KHDRBS2: variants seen among roughly 807,000 people sequenced by gnomAD.
KHDRBS2 encodes KH RNA binding domain containing, signal transduction associated 2, also known as KH domain-containing, RNA-binding, signal transduction-associated protein 2.
KHDRBS2 carries 26 observed loss-of-function variants against 44.3 expected under a neutral mutation model. The observed-to-expected ratio is 0.59, with a 90% confidence interval of 0.43 to 0.81. The LOEUF is 0.81. Among genes scored for constraint, KHDRBS2 ranks in the 40% least tolerant of loss-of-function variants. KHDRBS2 has a pLI of 0.00. For missense variants in KHDRBS2, 476 were observed against 433.1 expected, an observed-to-expected ratio of 1.10 and a Z score of -0.88; for synonymous variants, 194 against 151.1, an observed-to-expected ratio of 1.28 and a Z score of -2.08.
chr6:62,101,573 G>A (rs1801912480), intron 2 of KHDRBS2, among the ~76,000 whole-genome samples: 1 of 152,128 alleles, frequency 6.6e-6, no homozygotes, highest in Non-Finnish European at 1.5e-5. Context: ...TGTCAGCCAG[G>A]GAAGAATAGT....
chr6:62,088,614 C>A (rs1362786757), intron 2 of KHDRBS2, among the ~76,000 whole-genome samples: 1 of 152,112 alleles, frequency 6.6e-6, no homozygotes, highest in Non-Finnish European at 1.5e-5. Context: ...CCAGCCAGAG[C>A]TCTCCTGTAT....
chr6:62,200,990 A>G (rs1362071283), intron 1 of KHDRBS2, among the ~76,000 whole-genome samples: 2 of 152,194 alleles, frequency 1.3e-5, no homozygotes, highest in Non-Finnish European at 2.9e-5. Context: ...CAAGGACAAA[A>G]AACCAAACAC....
intron 6 of KHDRBS2, among the ~76,000 whole-genome samples, chr6:61,888,735 G>T (rs750391787): frequency 1.3e-5 from 2 of 151,690 alleles, no homozygotes; most frequent in Admixed American, 6.6e-5. Context: ...CTAACTTTTC[G>T]CATTTTTAGT....
chr6:61,920,356 A>G lies in KHDRBS2; in HGVS notation c.484-18985T>C, dbSNP rs568474237. 3.9e-5 allele frequency among the ~76,000 whole-genome samples: 6 copies of G among 152,056 alleles called. 1 individual carries two copies. Among genetic ancestry groups the G allele is most frequent in the African/African-American group, 1.2e-4 (5 of 41,536 alleles). On this transcript the variant is annotated intron_variant, in intron 4 of 8. Coordinates refer to ENST00000281156, the MANE Select transcript of KHDRBS2 (RefSeq NM_152688.4). ...AATATGGATGTTAGAAGGATTAAAC[A>G]TGTAAATTGCTCAAAATGGTATCTA...
intron 2 of KHDRBS2, among the ~76,000 whole-genome samples, chr6:62,131,665 C>T (rs895652365): frequency 5.3e-5 from 8 of 152,156 alleles, no homozygotes; most frequent in Non-Finnish European, 1.0e-4. Flanking sequence ...CCTCTGGTTT[C>T]CTATTGGGGT....
At chr6:61,594,981 A>G in the KHDRBS2 span, among the ~76,000 whole-genome samples, 1 of 152,232 alleles carries the variant, frequency 6.6e-6, no homozygotes, top group South Asian at 2.1e-4. Flanking sequence ...GAAGAGACTC[A>G]GTTCCCAAAT....
chr6:61,683,982 G>T lies in KHDRBS2; in HGVS notation c.953-2922C>A, dbSNP rs1766568619. 1.3e-5 allele frequency among the ~76,000 whole-genome samples: 2 copies of T among 152,028 alleles called. 1 individual carries two copies. Among genetic ancestry groups the T allele is most frequent in the South Asian group, 4.1e-4 (2 of 4,824 alleles). On this transcript the variant is annotated intron_variant, in intron 8 of 8. Coordinates refer to ENST00000281156, the MANE Select transcript of KHDRBS2 (RefSeq NM_152688.4). ...TTAAGGACTTATTTCACTTAATTCA[G>T]ACCTTGCTTCCATTGTTTACATGTT...
At chr6:61,945,402 G>A (rs1479105657) in intron 4 of KHDRBS2, among the ~76,000 whole-genome samples, 1 of 151,198 alleles carries the variant, frequency 6.6e-6, no homozygotes, top group African/African-American at 2.4e-5. Flanking sequence ...ATAGCCAGAG[G>A]CAGAATTTAT....
intron 3 of KHDRBS2, among the ~76,000 whole-genome samples, chr6:61,998,070 C>T (rs1187814546): frequency 6.6e-6 from 1 of 152,046 alleles, no homozygotes; most frequent in Non-Finnish European, 1.5e-5. Flanking sequence ...ATTAACATTA[C>T]ATAATTTACT....
At chr6:62,080,085 G>A (rs1342587104) in intron 2 of KHDRBS2, among the ~76,000 whole-genome samples, 3 of 151,870 alleles carry the variant, frequency 2.0e-5, no homozygotes, top group African/African-American at 7.2e-5. Context: ...TACATAAAAC[G>A]TGAAATAAGT....
chr6:61,890,784 G>GT (rs112875382), intron 6 of KHDRBS2, among the ~76,000 whole-genome samples: 10,265 of 152,048 alleles, frequency 0.068, 412 homozygotes, highest in Middle Eastern at 0.13. Flanking sequence ...TAGTCCCTGA[G>GT]TTTTTTTTGA....
At chr6:62,274,044 T>C (rs2150190809) in intron 1 of KHDRBS2, among the ~76,000 whole-genome samples, 2 of 152,254 alleles carry the variant, frequency 1.3e-5, no homozygotes, top group South Asian at 4.1e-4. Context: ...CAATCAATTC[T>C]CCTGCCTCAG....
intron 6 of KHDRBS2, among the ~76,000 whole-genome samples, chr6:61,829,515 T>C (rs772695533): frequency 5.3e-5 from 8 of 151,776 alleles, no homozygotes; most frequent in Non-Finnish European, 1.0e-4. Flanking sequence ...AAAAATAAAC[T>C]GAATTGAGCA....
rs538659730 is a variant in KHDRBS2 at position 61,731,333 on chromosome 6, A to G, written c.893+1349T>C. On this transcript the variant is annotated intron_variant, in intron 7 of 8. Coordinates refer to ENST00000281156, the MANE Select transcript of KHDRBS2 (RefSeq NM_152688.4). ...ATATTACAGCAAAAGCGCTTGGCTC[A>G]TGATGGCTTCTCTATTTAGCTTACT... is the stretch of plus-strand genomic sequence containing the variant. Among the ~76,000 whole-genome samples, 17 of 152,200 alleles carry G rather than the reference A, an allele frequency of 1.1e-4. No homozygotes were observed. In the South Asian group the frequency reaches 1.7e-3, roughly 15 times the overall value.
At chr6:62,030,166 A>G (rs530632988) in intron 3 of KHDRBS2, among the ~76,000 whole-genome samples, 1 of 152,182 alleles carries the variant, frequency 6.6e-6, no homozygotes, top group South Asian at 2.1e-4. Flanking sequence ...GATGTGAGGG[A>G]GGAGATGAAG....
intron 6 of KHDRBS2, among the ~76,000 whole-genome samples, chr6:61,873,694 CTGA>C (rs1270092204): frequency 6.6e-6 from 1 of 150,706 alleles, no homozygotes; most frequent in Admixed American, 6.6e-5. Flanking sequence ...TTTTAAAATT[CTGA>C]TATTTTCATT....
intron 6 of KHDRBS2, among the ~76,000 whole-genome samples, chr6:61,887,763 C>T (rs1341432221): frequency 1.3e-5 from 2 of 152,110 alleles, no homozygotes; most frequent in African/African-American, 4.8e-5. Context: ...TTTTCACCAT[C>T]AACTCAACAT....
intron 2 of KHDRBS2, among the ~76,000 whole-genome samples, chr6:62,106,090 G>C (rs1348773722): frequency 1.3e-5 from 2 of 152,172 alleles, no homozygotes; most frequent in Non-Finnish European, 2.9e-5. Flanking sequence ...GAGCAGTTTT[G>C]AGTGAGTTTC....
chr6:61,661,447 G>A, the KHDRBS2 span: 1 of 151,874 alleles, frequency 6.6e-6, no homozygotes, highest in Non-Finnish European at 1.5e-5. Flanking sequence ...CATATTGGAT[G>A]TCAATCAGTC....
Sources: allele counts gnomAD v4.1 joint callset (sites outside exome capture counted in the v4.1 genomes callset), GRCh38; gene constraint gnomAD v4.1.1; transcripts MANE v1.5; gene names NCBI Gene and HGNC (gene_info 2026-07-23, HGNC 2026-07-21).